The following SYT1 variants were observed in gnomAD, a reference collection of about 807,000 sequenced individuals.
SYT1 encodes the protein synaptotagmin 1, also known as synaptotagmin-1.
Under a neutral mutation model 44.8 loss-of-function variants are expected in SYT1, and 8 were observed. That is an observed-to-expected ratio of 0.18 (90% CI 0.10 to 0.32). SYT1 has a LOEUF of 0.32. SYT1 is among the 10% of genes least tolerant of loss of function. SYT1 has a pLI of 1.00. For missense variants in SYT1, 286 were observed against 509.3 expected (o/e 0.56, Z 4.22); for synonymous variants, 154 against 188.8 (o/e 0.82, Z 1.51).
intron 2 of SYT1, among the ~76,000 whole-genome samples, chr12:79,010,677 C>A (rs1336705697): frequency 6.6e-6 from 1 of 152,134 alleles, no homozygotes; most frequent in Non-Finnish European, 1.5e-5. Flanking sequence ...ACTGATTATG[C>A]CTTTGTTCCT....
intron 3 of SYT1, among the ~76,000 whole-genome samples, 180 bp from the exon 4 acceptor site, chr12:79,217,323 T>C (rs1171494192): frequency 6.6e-6 from 1 of 152,256 alleles, no homozygotes; most frequent in African/African-American, 2.4e-5. Flanking sequence ...GGAAGAACTC[T>C]TCACTCGCTG....
At chr12:79,075,045 A>T (rs557677893) in intron 3 of SYT1, among the ~76,000 whole-genome samples, 3 of 152,314 alleles carry the variant, frequency 2.0e-5, no homozygotes. Flanking sequence ...GATGTACCAT[A>T]CACATATTGT....
intron 8 of SYT1, among the ~76,000 whole-genome samples, chr12:79,329,621 A>G (rs1881767474): frequency 6.6e-6 from 1 of 152,198 alleles, no homozygotes; most frequent in South Asian, 2.1e-4. Context: ...TGAGATCAGT[A>G]CAATTATTAT....
intron 9 of SYT1, among the ~76,000 whole-genome samples, chr12:79,374,917 A>G (rs964717055): frequency 5.3e-5 from 8 of 152,170 alleles, no homozygotes; most frequent in Non-Finnish European, 1.2e-4. Flanking sequence ...AAAGGACCAG[A>G]TAGTAAATAT....
intron 8 of SYT1, among the ~76,000 whole-genome samples, chr12:79,313,723 G>T (rs900925170): frequency 6.6e-6 from 1 of 151,804 alleles, no homozygotes; most frequent in African/African-American, 2.4e-5. Context: ...CCATGACTCC[G>T]CTTACTACTG....
chr12:79,037,611 A>G (rs1221106854), intron 2 of SYT1, among the ~76,000 whole-genome samples: 1 of 151,730 alleles, frequency 6.6e-6, no homozygotes, highest in Non-Finnish European at 1.5e-5. Flanking sequence ...TGGTTAGACA[A>G]CAAAAGAGAA....
At chr12:79,100,064 C>T (rs1007454214) in intron 3 of SYT1, among the ~76,000 whole-genome samples, 1 of 152,038 alleles carries the variant, frequency 6.6e-6, no homozygotes, top group Non-Finnish European at 1.5e-5. Context: ...ATATATTATT[C>T]ATACGTTATA....
intron 4 of SYT1, among the ~76,000 whole-genome samples, chr12:79,271,436 T>A (rs1399735479): frequency 6.6e-6 from 1 of 152,160 alleles, no homozygotes; most frequent in African/African-American, 2.4e-5. Context: ...CATGTAGATT[T>A]CATTTGAAAA....
chr12:79,236,612 T>C (rs1876206040), intron 4 of SYT1, among the ~76,000 whole-genome samples: 1 of 152,224 alleles, frequency 6.6e-6, no homozygotes, highest in Non-Finnish European at 1.5e-5. Flanking sequence ...AGCTCATATC[T>C]TCCTTACTAG....
Position 79,028,193 on chromosome 12 carries a change from C to T in SYT1, c.-83-19104C>T, listed in dbSNP as rs376331712. On this transcript the variant is annotated intron_variant, in intron 2 of 10. Transcript: ENST00000261205. ...ATCACATACTGTGTACTGAAAGCCTCTTCAAATTTTCTGTCTGTCGAGTTA... is the reference window on the plus strand; with the variant it reads ...ATCACATACTGTGTACTGAAAGCCTTTTCAAATTTTCTGTCTGTCGAGTTA... Among the ~76,000 whole-genome samples the T allele has an allele frequency of 1.6e-4, 24 of 151,562 alleles. No individual in the cohort carries two copies. In the East Asian group the frequency reaches 4.5e-3, roughly 28 times the overall value.
chr12:79,338,319 C>G (rs1345198737), intron 8 of SYT1, among the ~76,000 whole-genome samples: 1 of 151,338 alleles, frequency 6.6e-6, no homozygotes, highest in African/African-American at 2.4e-5. Context: ...CTCTGTCACC[C>G]AGGCTGGAGG....
chr12:79,024,620 T>C (rs1872408833), intron 2 of SYT1, among the ~76,000 whole-genome samples: 1 of 151,806 alleles, frequency 6.6e-6, no homozygotes, highest in Non-Finnish European at 1.5e-5. Context: ...TTCTAATTGC[T>C]AGGAAAACAG....
At chr12:79,003,344 A>G (rs761017247) in intron 2 of SYT1, among the ~76,000 whole-genome samples, 2 of 151,934 alleles carry the variant, frequency 1.3e-5, no homozygotes, top group African/African-American at 2.4e-5. Context: ...ATGACTTGCA[A>G]TCTTCACTCT....
At chr12:79,011,124 G>A (rs539939562) in intron 2 of SYT1, among the ~76,000 whole-genome samples, 5 of 152,236 alleles carry the variant, frequency 3.3e-5, no homozygotes, top group Admixed American at 6.5e-5. Context: ...AACTTTACTC[G>A]AAATAATATA....
At chr12:79,315,334 C>T (rs573179843) in intron 8 of SYT1, among the ~76,000 whole-genome samples, 2 of 152,294 alleles carry the variant, frequency 1.3e-5, no homozygotes, top group South Asian at 4.1e-4. Flanking sequence ...CCTCAGCCTC[C>T]TGAGTAGCTG....
rs574508262 is a variant in SYT1 at position 79,254,403 on chromosome 12, C to T, written c.167-31384C>T. Among the ~76,000 whole-genome samples the T allele has an allele frequency of 9.9e-5, 15 of 152,050 alleles. No individual in the cohort carries two copies. The South Asian group carries it at 2.9e-3, about 30-fold the overall frequency. On this transcript the variant is annotated intron_variant, in intron 4 of 10. Coordinates refer to ENST00000261205, the MANE Select transcript of SYT1 (RefSeq NM_005639.3). Reference sequence around the variant, plus strand: ...CCCATTGTTGAGACCTGCTGCTCAGCCAAAAAAAAGATTATTTTCAAAATA... The same window carrying T: ...CCCATTGTTGAGACCTGCTGCTCAGTCAAAAAAAAGATTATTTTCAAAATA...
At chr12:78,868,698 T>C (rs773642579) in intron 1 of SYT1, 2 of 151,884 alleles carry the variant, frequency 1.3e-5, no homozygotes, top group Non-Finnish European at 1.5e-5. Context: ...GCTATTCATG[T>C]ACAAAGTACC....
intron 4 of SYT1, among the ~76,000 whole-genome samples, chr12:79,278,475 G>A (rs189397142): frequency 5.5e-4 from 83 of 152,124 alleles, no homozygotes; most frequent in African/African-American, 1.8e-3. Context: ...AATTATAACA[G>A]TAACACAATG....
chr12:78,870,727 C>T (rs781486508), intron 1 of SYT1, among the ~76,000 whole-genome samples: 2 of 151,948 alleles, frequency 1.3e-5, no homozygotes. Flanking sequence ...AGGGAACAGC[C>T]TCTTGTTTTA....
Sources: gnomAD v4.1 joint callset for allele counts (sites outside exome capture counted in the v4.1 genomes callset) on GRCh38, gnomAD v4.1.1 for gene constraint, MANE v1.5 for transcripts, NCBI Gene and HGNC (gene_info 2026-07-23, HGNC 2026-07-21) for gene names.